Variants in ERC2 observed in about 807,000 individuals in gnomAD.
ERC2 encodes the protein ERC protein 2.
ERC2 carries 42 observed loss-of-function variants against 114.8 expected under a neutral mutation model. The ratio of observed to expected loss-of-function variants is 0.37; its 90% CI spans 0.29 to 0.47. ERC2 has a LOEUF of 0.47. Among genes scored for constraint, ERC2 ranks in the 20% least tolerant of loss-of-function variants. ERC2 has a pLI of 0.99. For missense variants in ERC2, 939 were observed against 1,150.7 expected (o/e 0.82, Z 2.66); for synonymous variants, 454 against 425.5 (o/e 1.07, Z -0.82).
intron 17 of ERC2, among the ~76,000 whole-genome samples, chr3:55,514,945 T>G (rs984365746): frequency 6.6e-6 from 1 of 152,210 alleles, no homozygotes; most frequent in Non-Finnish European, 1.5e-5. Flanking sequence ...CCACGCTGGG[T>G]CAGGCAGTGT....
At chr3:56,374,089 T>TTTTGTTTGTTTG (rs112631533) in intron 2 of ERC2, among the ~76,000 whole-genome samples, 12 of 151,788 alleles carry the variant, frequency 7.9e-5, no homozygotes, top group Admixed American at 3.3e-4. Flanking sequence ...CATCCAGTGT[T>TTTTGTTTGTTTG]TTTGTTTGTT....
At chr3:55,848,616 G>A (rs1487274075) in intron 14 of ERC2, among the ~76,000 whole-genome samples, 1 of 152,132 alleles carries the variant, frequency 6.6e-6, no homozygotes. Context: ...CTCCGAGGAT[G>A]ACTCACCATT....
At chr3:56,421,833 C>A (rs1448326704) in intron 2 of ERC2, among the ~76,000 whole-genome samples, 1 of 152,136 alleles carries the variant, frequency 6.6e-6, no homozygotes, top group East Asian at 1.9e-4. Flanking sequence ...TCCCTCCTCC[C>A]CACTTTTTTT....
intron 17 of ERC2, among the ~76,000 whole-genome samples, chr3:55,531,871 A>C (rs2107278906): frequency 6.6e-6 from 1 of 152,306 alleles, no homozygotes; most frequent in Middle Eastern, 3.4e-3. Context: ...CACATAGCAA[A>C]CCTGGTGAAG....
At chr3:55,628,007 G>C (rs1370532882) in intron 17 of ERC2, among the ~76,000 whole-genome samples, 1 of 149,810 alleles carries the variant, frequency 6.7e-6, no homozygotes, top group Non-Finnish European at 1.5e-5. Context: ...AGTAAGTTTA[G>C]AATTTTTTTC....
intron 13 of ERC2, among the ~76,000 whole-genome samples, chr3:55,890,849 T>C (rs749916443): frequency 1.3e-5 from 2 of 152,226 alleles, no homozygotes; most frequent in Non-Finnish European, 2.9e-5. Flanking sequence ...CCGAGGACCA[T>C]GTGGGGCACT....
At chr3:56,049,518 C>A (rs564712791) in intron 7 of ERC2, among the ~76,000 whole-genome samples, 91 of 152,254 alleles carry the variant, frequency 6.0e-4, no homozygotes, top group Non-Finnish European at 1.1e-3. Context: ...AGAAGATTAA[C>A]AGTTGAGTCA....
intron 7 of ERC2, among the ~76,000 whole-genome samples, chr3:56,031,801 C>A (rs918690408): frequency 6.6e-6 from 1 of 151,946 alleles, no homozygotes; most frequent in African/African-American, 2.4e-5. Context: ...CAAGAAAAAA[C>A]AATAAAACAT....
intron 17 of ERC2, among the ~76,000 whole-genome samples, chr3:55,539,926 ATTT>A (rs58377855): frequency 5.4e-5 from 7 of 130,130 alleles, no homozygotes; most frequent in Admixed American, 2.4e-4. Context: ...TCCTGTGGGG[ATTT>A]TTTTTTTTTT....
intron 10 of ERC2, among the ~76,000 whole-genome samples, chr3:55,995,807 A>G (rs1334687659): frequency 1.3e-5 from 2 of 152,230 alleles, no homozygotes; most frequent in African/African-American, 4.8e-5. Flanking sequence ...CATGATCTAC[A>G]GACATGAGTG....
At chr3:56,033,365 G>A (rs2074600067) in intron 7 of ERC2, among the ~76,000 whole-genome samples, 2 of 152,190 alleles carry the variant, frequency 1.3e-5, no homozygotes, top group Admixed American at 1.3e-4. Context: ...TACAGTTTTA[G>A]AGTACCAAAA....
rs991275442 is a variant in ERC2, at chr3:55,508,776, C to G, written c.*2540G>C. On this transcript the variant is annotated 3_prime_UTR_variant, in exon 18 of 18. Transcript: ENST00000288221. Reference sequence around the variant, plus strand: ...GCTGTTAACGTGCATACTGGATACACAAAAATCATTAAATACAAAATTGAG... The same window carrying G: ...GCTGTTAACGTGCATACTGGATACAGAAAAATCATTAAATACAAAATTGAG... 1 of 152,426 alleles carries G rather than the reference C, an allele frequency of 6.6e-6. No homozygotes were observed. Among genetic ancestry groups the G allele is most frequent in the Non-Finnish European group, 1.5e-5 (1 of 68,008 alleles). 9.4% of individuals were successfully genotyped at this position (152,426 alleles called of 1,614,324 possible).
intron 7 of ERC2, among the ~76,000 whole-genome samples, chr3:56,038,839 A>C (rs1225887965): frequency 1.3e-5 from 2 of 152,204 alleles, no homozygotes; most frequent in Admixed American, 6.5e-5. Context: ...AGGAACAGAA[A>C]ACCAAACACT....
chr3:56,300,575 A>C (rs2150367841), intron 2 of ERC2, among the ~76,000 whole-genome samples: 1 of 152,360 alleles, frequency 6.6e-6, no homozygotes, highest in Non-Finnish European at 1.5e-5. Context: ...AGGACAGACC[A>C]GATCTATTAA....
intron 14 of ERC2, among the ~76,000 whole-genome samples, chr3:55,740,693 C>G (rs2065920084): frequency 6.6e-6 from 1 of 152,082 alleles, no homozygotes; most frequent in Admixed American, 6.6e-5. Context: ...ATTTGGCAGG[C>G]CTAGAATTAA....
chr3:55,544,076 C>T (rs2054583742), intron 17 of ERC2, among the ~76,000 whole-genome samples: 1 of 152,200 alleles, frequency 6.6e-6, no homozygotes, highest in South Asian at 2.1e-4. Context: ...CTAAGCAAGG[C>T]TGCCCAGGCA....
intron 4 of ERC2, among the ~76,000 whole-genome samples, chr3:56,161,181 A>G (rs1054274828): frequency 2.0e-5 from 3 of 152,158 alleles, no homozygotes; most frequent in Non-Finnish European, 4.4e-5. Context: ...CATGTGATGT[A>G]CCTGCTCCTG....
At chr3:55,863,828 T>C (rs942607768) in intron 14 of ERC2, among the ~76,000 whole-genome samples, 7 of 151,906 alleles carry the variant, frequency 4.6e-5, no homozygotes, top group South Asian at 2.1e-4. Context: ...TCACACTAAG[T>C]TTTTGAAACT....
intron 2 of ERC2, among the ~76,000 whole-genome samples, chr3:56,425,727 G>A (rs113250675): frequency 2.6e-4 from 39 of 152,180 alleles, no homozygotes; most frequent in South Asian, 1.5e-3. Flanking sequence ...TTGTTGGGGT[G>A]GGGGGAGGTT....
Sources: gnomAD v4.1 joint callset for allele counts (sites outside exome capture counted in the v4.1 genomes callset) on GRCh38, gnomAD v4.1.1 for gene constraint, MANE v1.5 for transcripts, NCBI Gene and HGNC (gene_info 2026-07-23, HGNC 2026-07-21) for gene names.